TOX2: variants seen among roughly 807,000 people sequenced by gnomAD.
TOX2 encodes granulosa cell HMG box 1.
In TOX2, 15 loss-of-function variants were observed where a neutral mutation model predicts 47.4. The observed-to-expected ratio is 0.32, with a 90% CI of 0.21 to 0.49. The LOEUF (loss-of-function observed/expected upper bound fraction) is 0.49, where lower values mean the gene tolerates loss of function less well. TOX2 is among the 20% of genes least tolerant of loss of function. TOX2 has a pLI of 0.99. For synonymous variants in TOX2, 290 were observed against 296.6 expected (o/e 0.98, Z 0.23); for missense variants, 622 against 673.1 (o/e 0.92, Z 0.84).
chr20:44,053,356 C>G (rs1278843382), intron 4 of TOX2, among the ~76,000 whole-genome samples: 2 of 151,898 alleles, frequency 1.3e-5, no homozygotes, highest in Non-Finnish European at 2.9e-5. Context: ...AGCTGCACAG[C>G]TGAAACATGG....
chr20:44,038,379 G>C (rs1233205016), intron 3 of TOX2, among the ~76,000 whole-genome samples: 1 of 152,198 alleles, frequency 6.6e-6, no homozygotes, highest in East Asian at 1.9e-4. Context: ...CTGGGCAACA[G>C]AGTCCAGGAA....
intron 3 of TOX2, among the ~76,000 whole-genome samples, chr20:44,050,210 A>G (rs2071485545): frequency 6.6e-6 from 1 of 152,254 alleles, no homozygotes; most frequent in South Asian, 2.1e-4. Context: ...ATTAAAAAAT[A>G]AAATACAACT....
intron 2 of TOX2, among the ~76,000 whole-genome samples, chr20:43,987,972 T>C (rs1383747230): frequency 7.2e-6 from 1 of 137,936 alleles, no homozygotes; most frequent in African/African-American, 2.8e-5. Context: ...CAGGCTGGAG[T>C]GCAGTATCAC....
At chr20:43,929,201 C>A (rs900503360) in intron 1 of TOX2, among the ~76,000 whole-genome samples, 22 of 152,068 alleles carry the variant, frequency 1.4e-4, no homozygotes, top group South Asian at 6.2e-4. Flanking sequence ...GGGAAAAAAA[C>A]CCCCACAAAG....
intron 4 of TOX2, among the ~76,000 whole-genome samples, chr20:44,053,117 T>C (rs2071545674): frequency 6.6e-6 from 1 of 152,128 alleles, no homozygotes; most frequent in Non-Finnish European, 1.5e-5. Flanking sequence ...TTGACCAAAG[T>C]CCCCTGTTCC....
chr20:43,979,731 A>G (rs113821716), intron 2 of TOX2, among the ~76,000 whole-genome samples: 6,127 of 152,162 alleles, frequency 0.04, 403 homozygotes, highest in African/African-American at 0.13. Context: ...TTGAATAGAC[A>G]TTTCTTAAAA....
intron 1 of TOX2, among the ~76,000 whole-genome samples, chr20:43,952,596 C>T (rs2069598858): frequency 6.6e-6 from 1 of 152,102 alleles, no homozygotes; most frequent in Non-Finnish European, 1.5e-5. Flanking sequence ...CAGAGGAGAC[C>T]CACGTTGTTT....
chr20:44,008,904 G>T (rs1021223638), intron 3 of TOX2, among the ~76,000 whole-genome samples: 10 of 152,218 alleles, frequency 6.6e-5, no homozygotes, highest in African/African-American at 2.4e-4. Flanking sequence ...CAGGCTTGAT[G>T]GCTGCTGGCA....
At chr20:44,026,272 T>G (rs2071067800) in intron 3 of TOX2, among the ~76,000 whole-genome samples, 1 of 108,364 alleles carries the variant, frequency 9.2e-6, no homozygotes, top group East Asian at 2.4e-4. Flanking sequence ...CACAATGGAA[T>G]ACTACTCAGC....
intron 3 of TOX2, among the ~76,000 whole-genome samples, chr20:44,039,390 G>A (rs973559774): frequency 2.0e-5 from 3 of 152,162 alleles, no homozygotes; most frequent in African/African-American, 4.8e-5. Context: ...TGCTAAGTGG[G>A]CCCCTGGGAG....
chr20:44,052,038 G>A (rs1457699702), intron 4 of TOX2, among the ~76,000 whole-genome samples: 1 of 152,206 alleles, frequency 6.6e-6, no homozygotes, highest in Admixed American at 6.5e-5. Flanking sequence ...CTTCAGCAAG[G>A]CCATCGGGGT....
chr20:44,061,013 CAAGAA>C (rs746595422), intron 5 of TOX2, among the ~76,000 whole-genome samples: 12 of 151,952 alleles, frequency 7.9e-5, no homozygotes, highest in Non-Finnish European at 1.3e-4. Context: ...TGAGATTAAC[CAAGAA>C]AAGAAGAGAG....
At chr20:43,977,271 T>G (rs1190585676) in intron 2 of TOX2, among the ~76,000 whole-genome samples, 1 of 151,846 alleles carries the variant, frequency 6.6e-6, no homozygotes, top group Non-Finnish European at 1.5e-5. Context: ...CCCAGCTGAT[T>G]TGTGTGTGTG....
intron 3 of TOX2, chr20:44,039,256 A>G (rs1001843072): frequency 2.3e-6 from 3 of 1,289,304 alleles, no homozygotes; most frequent in Non-Finnish European, 3.0e-6. Context: ...GATGACACAG[A>G]GGGCAGGTGT....
At chr20:43,973,878 G>A (rs1402025301) in intron 2 of TOX2, among the ~76,000 whole-genome samples, 1 of 152,186 alleles carries the variant, frequency 6.6e-6, no homozygotes, top group African/African-American at 2.4e-5. Context: ...CCACAGGGGA[G>A]GGTTGTGGAC....
chr20:44,037,888 G>C lies in TOX2; in HGVS notation c.412-13418G>C, dbSNP rs112441731. 4.2e-3 allele frequency among the ~76,000 whole-genome samples: 633 copies of C among 152,264 alleles called. 3 individuals carry two copies. Among genetic ancestry groups the C allele is most frequent in the African/African-American group, 0.014 (596 of 41,542 alleles). On this transcript the variant is annotated intron_variant, in intron 3 of 8. Transcript: ENST00000341197. ...GAATCAACTTTGGAACTGGGTAACA[G>C]GCAGAGGTTGGAACCGTTTGGAGGG...
intron 1 of TOX2, among the ~76,000 whole-genome samples, chr20:43,950,365 A>T (rs1000931549): frequency 6.6e-6 from 1 of 152,084 alleles, no homozygotes; most frequent in South Asian, 2.1e-4. Flanking sequence ...TGGCTCCCCA[A>T]CCACAGCATC....
chr20:43,973,498 T>C (rs1600697882), intron 2 of TOX2, 66 bp downstream of exon 2: 2 of 1,493,208 alleles, frequency 1.3e-6, no homozygotes, highest in East Asian at 2.3e-5. Flanking sequence ...GAGCTGTTCC[T>C]GGGTGGAGGT....
chr20:43,949,995 G>C (rs1200293914), intron 1 of TOX2, among the ~76,000 whole-genome samples: 1 of 150,534 alleles, frequency 6.6e-6, no homozygotes, highest in Non-Finnish European at 1.5e-5. Context: ...AAACTGGTTT[G>C]ATTTGGCTGT....
Sources: allele counts gnomAD v4.1 joint callset (sites outside exome capture counted in the v4.1 genomes callset), GRCh38; gene constraint gnomAD v4.1.1; transcripts MANE v1.5; gene names NCBI Gene and HGNC (gene_info 2026-07-23, HGNC 2026-07-21).